MMUT: variants seen among roughly 807,000 people sequenced by gnomAD.
MMUT encodes methylmalonyl-CoA mutase.
Under a neutral mutation model 79.9 loss-of-function variants are expected in MMUT, and 79 were observed. That is an observed-to-expected ratio of 0.99 (90% CI 0.82 to 1.19). The LOEUF is 1.19. Ranked by LOEUF, MMUT falls within the 50% of genes most tolerant of loss-of-function variation. MMUT has a pLI of 0.00. For synonymous variants in MMUT, 273 were observed against 295.7 expected (o/e 0.92, Z 0.79); for missense variants, 860 against 917.2 (o/e 0.94, Z 0.81).
chr6:49,447,751 C>A lies in MMUT; in HGVS notation c.1479G>T (p.Gln493His). 1.2e-6 allele frequency: 2 copies of A among 1,610,964 alleles called. No homozygotes were observed. The highest frequency in any genetic ancestry group is 1.3e-5 in the African/African-American group (1 of 74,874). ...SEVIVGVNKYQLEKEDAVEVL... is the reference protein window; with the variant it reads ...SEVIVGVNKYHLEKEDAVEVL... ...CTTCTACAGCGTCTTCTTTTTCCAA[C>A]TGGTACTTATTTACTCCAACAATTA... The change falls in exon 8 of 13, where the codon CAG becomes CAT. Residue 493 changes from glutamine to histidine, a missense_variant. Gln to His is a conservative substitution (Grantham distance 24, BLOSUM62 0). Transcript: ENST00000274813.
At chr6:49,458,497 G>A (rs1361282515) in intron 2 of MMUT, among the ~76,000 whole-genome samples, 2 of 151,996 alleles carry the variant, frequency 1.3e-5, no homozygotes, top group African/African-American at 2.4e-5. Context: ...AAATATTCTG[G>A]AAAACAGAAT....
chr6:49,438,026 G>A (rs1415940136), intron 11 of MMUT, among the ~76,000 whole-genome samples: 3 of 151,776 alleles, frequency 2.0e-5, no homozygotes, highest in South Asian at 2.1e-4. Flanking sequence ...TACTATGTAC[G>A]AAATAGTAAT....
rs1554160198 is a variant in MMUT at position 49,453,584 on chromosome 6, C to T, written c.1083+1G>A. The T allele has an allele frequency of 1.3e-6, 2 of 1,593,010 alleles. No homozygotes were observed. The highest frequency in any genetic ancestry group is 1.7e-6 in the Non-Finnish European group (2 of 1,163,292). ...TTCTACATTTTAAATTATATACATACCTGCTCAGTAAGTGACCATCCAGAT... is the reference window on the plus strand; with the variant it reads ...TTCTACATTTTAAATTATATACATATCTGCTCAGTAAGTGACCATCCAGAT... On this transcript the variant is annotated splice_donor_variant, in intron 5 of 12. Coordinates refer to ENST00000274813, the MANE Select transcript of MMUT (RefSeq NM_000255.4). LOFTEE classifies it high-confidence loss of function.
intron 3 of MMUT, among the ~76,000 whole-genome samples, chr6:49,457,065 T>TGA (rs1460680819): frequency 6.6e-6 from 1 of 152,250 alleles, no homozygotes; most frequent in Non-Finnish European, 1.5e-5. Context: ...AAAGGGTTGA[T>TGA]GACGATTTTC....
chr6:49,449,128 T>G (rs931525289), intron 6 of MMUT, among the ~76,000 whole-genome samples: 5 of 152,040 alleles, frequency 3.3e-5, no homozygotes, highest in African/African-American at 9.7e-5. Context: ...AAAAGACAAC[T>G]AACAAGTATA....
At chr6:49,461,441 GT>G (rs1189666852) in intron 1 of MMUT, among the ~76,000 whole-genome samples, 1 of 152,146 alleles carries the variant, frequency 6.6e-6, no homozygotes, top group Non-Finnish European at 1.5e-5. Context: ...GTTCAACTAT[GT>G]AAAAAGTACA....
chr6:49,459,714 A>G (rs902264505), intron 1 of MMUT, among the ~76,000 whole-genome samples: 1 of 152,132 alleles, frequency 6.6e-6, no homozygotes, highest in African/African-American at 2.4e-5. Context: ...TTTCCTCAGT[A>G]GCCTCTTAGC....
At chr6:49,436,029 C>T (rs893201979) in intron 11 of MMUT, among the ~76,000 whole-genome samples, 2 of 151,836 alleles carry the variant, frequency 1.3e-5, no homozygotes, top group Admixed American at 6.5e-5. Context: ...TTAAAAAGCT[C>T]CAAATCACTG....
chr6:49,434,467 C>T (rs1256134690), intron 12 of MMUT, among the ~76,000 whole-genome samples: 2 of 152,022 alleles, frequency 1.3e-5, no homozygotes, highest in African/African-American at 4.8e-5. Flanking sequence ...GAGCTGGAAA[C>T]AAGGTCACAT....
Position 49,459,168 on chromosome 6 carries a change from T to C in MMUT, c.299A>G (p.Tyr100Cys), listed in dbSNP as rs864309735. ...GCGGATGGTCCAGGGCCTAAAGGTA[T>C]ACATGGTAGGATATGGTCCACGTGT... is the stretch of plus-strand genomic sequence containing the variant. ...PFTRGPYPTMYTFRPWTIRQY... is the reference protein window; with the variant it reads ...PFTRGPYPTMCTFRPWTIRQY... The change falls in exon 2 of 13, where the codon TAT (tyrosine) becomes TGT (cysteine). Residue 100 changes from tyrosine to cysteine, a missense_variant. Coordinates refer to ENST00000274813, the MANE Select transcript of MMUT (RefSeq NM_000255.4). The C allele has an allele frequency of 5.6e-6, 9 of 1,614,216 alleles. No individual in the cohort carries two copies. Among genetic ancestry groups the C allele is most frequent in the Non-Finnish European group, 7.6e-6 (9 of 1,180,034 alleles).
At chr6:49,452,177 T>C (rs1462766728) in intron 5 of MMUT, among the ~76,000 whole-genome samples, 2 of 152,344 alleles carry the variant, frequency 1.3e-5, no homozygotes, top group Middle Eastern at 3.4e-3. Context: ...GTTTATTGCA[T>C]GCCTAATTGT....
intron 11 of MMUT, among the ~76,000 whole-genome samples, chr6:49,437,011 G>C (rs1767148872): frequency 6.7e-6 from 1 of 150,026 alleles, no homozygotes; most frequent in African/African-American, 2.5e-5. Context: ...AACAACACAA[G>C]TTTACCTATA....
intron 7 of MMUT, 47 bp from the exon 8 acceptor site, chr6:49,447,832 T>G: frequency 9.9e-7 from 1 of 1,012,362 alleles, no homozygotes; most frequent in Non-Finnish European, 1.6e-6. Flanking sequence ...AATTACCTAA[T>G]TGTAATGCTC....
chr6:49,435,447 A>G lies in MMUT; in HGVS notation c.2124+9T>C, dbSNP rs1767095253. 1 of 1,611,266 alleles carries G rather than the reference A, an allele frequency of 6.2e-7. No individual in the cohort carries two copies. Among genetic ancestry groups the G allele is most frequent in the Non-Finnish European group, 8.5e-7 (1 of 1,177,414 alleles). On this transcript the variant is annotated intron_variant, in intron 12 of 12. Transcript: ENST00000274813. ...ATCACAGTACTAGAAAAATAGAGAT[A>G]AAAAATACCTGAGGTGGTATCACCC...
chr6:49,447,441 A>C (rs1767436256), intron 8 of MMUT, among the ~76,000 whole-genome samples: 1 of 151,816 alleles, frequency 6.6e-6, no homozygotes, highest in African/African-American at 2.4e-5. Context: ...TCATGGTTTA[A>C]AACAAGTTTT....
intron 3 of MMUT, among the ~76,000 whole-genome samples, 156 bp downstream of exon 3, chr6:49,457,535 A>T (rs1466422235): frequency 6.6e-6 from 1 of 152,240 alleles, no homozygotes; most frequent in Non-Finnish European, 1.5e-5. Flanking sequence ...TAACGACAGA[A>T]CATAAAATTA....
chr6:49,455,876 C>T (rs1052720679), intron 4 of MMUT, among the ~76,000 whole-genome samples: 1 of 152,046 alleles, frequency 6.6e-6, no homozygotes, highest in Non-Finnish European at 1.5e-5. Context: ...CAAGATATTC[C>T]TCAAATTTAC....
At chr6:49,438,486 T>C (rs866049148) in intron 11 of MMUT, among the ~76,000 whole-genome samples, 11 of 152,200 alleles carry the variant, frequency 7.2e-5, no homozygotes, top group African/African-American at 1.2e-4. Flanking sequence ...AAGAGTACAA[T>C]AAGATCTTTG....
chr6:49,457,990 G>A lies in MMUT; in HGVS notation c.454C>T (p.Arg152Ter), dbSNP rs780068818. ...GCCATTCCAACATCACCACGAACTC[G>A]AGGGTTGTCTGAATCATAGCCACGA... ...THRGYDSDNP[R>*]VRGDVGMAGV... The change falls in exon 3 of 13, where the codon CGA becomes TGA. Residue 152 changes from arginine to a stop codon, truncating the protein, a stop_gained. Coordinates refer to ENST00000274813, the MANE Select transcript of MMUT (RefSeq NM_000255.4). LOFTEE classifies it high-confidence loss of function. The A allele has an allele frequency of 1.0e-5, 16 of 1,606,626 alleles. No homozygotes were observed. Among genetic ancestry groups the A allele is most frequent in the Admixed American group, 6.7e-5 (4 of 59,984 alleles).
Sources: gnomAD v4.1 joint callset for allele counts (sites outside exome capture counted in the v4.1 genomes callset) on GRCh38, gnomAD v4.1.1 for gene constraint, MANE v1.5 for transcripts, NCBI Gene and HGNC (gene_info 2026-07-23, HGNC 2026-07-21) for gene names.